The following RBM27 variants were observed in gnomAD, a reference collection of about 807,000 sequenced individuals.
The protein encoded by RBM27 is RNA binding motif protein 27.
RBM27 carries 22 observed loss-of-function variants against 135.3 expected under a neutral mutation model. The ratio of observed to expected loss-of-function variants is 0.16; its 90% CI spans 0.12 to 0.23. The LOEUF is 0.23. Among genes scored for constraint, RBM27 ranks in the 10% least tolerant of loss-of-function variants. The pLI is 1.00. For synonymous variants in RBM27, 481 were observed against 442.4 expected, an observed-to-expected ratio of 1.09 and a Z score of -1.10; for missense variants, 1,009 against 1,281.0, an observed-to-expected ratio of 0.79 and a Z score of 3.24.
intron 1 of RBM27, among the ~76,000 whole-genome samples, chr5:146,211,461 T>G (rs1007674305): frequency 7.2e-6 from 1 of 138,690 alleles, no homozygotes; most frequent in African/African-American, 2.7e-5. Flanking sequence ...AGTATGGTCT[T>G]ATCTTTTTTT....
chr5:146,230,567 C>T lies in RBM27; in HGVS notation c.590-90C>T, dbSNP rs1351073866. The T allele has an allele frequency of 5.9e-6, 8 of 1,349,906 alleles. No homozygotes were observed. The East Asian group carries it at 1.8e-4, about 31-fold the overall frequency. The allele number at this position is 1,349,906 out of a possible 1,614,324, so 83.6% of individuals were successfully genotyped here. On this transcript the variant is annotated intron_variant, in intron 5 of 20. Coordinates refer to ENST00000265271, the MANE Select transcript of RBM27 (RefSeq NM_018989.2). Reference sequence around the variant, plus strand: ...CTAGATAAGTTTAATTCAACATTCTCATGTTTTCTATGTGAGAAAATAAAT... The same window carrying T: ...CTAGATAAGTTTAATTCAACATTCTTATGTTTTCTATGTGAGAAAATAAAT...
rs1427668822 is a variant in RBM27 at position 146,280,350 on chromosome 5, C to T, written c.2989-4272C>T. 5.3e-5 allele frequency among the ~76,000 whole-genome samples: 8 copies of T among 152,222 alleles called. 1 individual carries two copies. The highest frequency in any genetic ancestry group is 2.6e-4 in the Admixed American group (4 of 15,294). ...GATTATAGGCATGTGCCACCACGCC[C>T]GACCTATTTCCTTAAAATTTTTAAA... On this transcript the variant is annotated intron_variant, in intron 19 of 20. Coordinates refer to ENST00000265271, the MANE Select transcript of RBM27 (RefSeq NM_018989.2).
intron 13 of RBM27, among the ~76,000 whole-genome samples, chr5:146,262,481 T>G (rs1758440577): frequency 6.6e-6 from 1 of 152,212 alleles, no homozygotes; most frequent in Admixed American, 6.5e-5. Flanking sequence ...TTTGATTGAA[T>G]AGATGAAGGA....
chr5:146,285,260 C>T (rs937994672), intron 20 of RBM27, among the ~76,000 whole-genome samples: 1 of 152,044 alleles, frequency 6.6e-6, no homozygotes, highest in South Asian at 2.1e-4. Context: ...TGTTGTTTAT[C>T]ATTAGTTTAT....
intron 19 of RBM27, among the ~76,000 whole-genome samples, chr5:146,278,198 G>T (rs1308544918): frequency 6.6e-6 from 1 of 152,032 alleles, no homozygotes; most frequent in East Asian, 1.9e-4. Flanking sequence ...GCATAGATTG[G>T]GCGTCAGTTT....
At chr5:146,273,277 T>C (rs959767640) in intron 19 of RBM27, among the ~76,000 whole-genome samples, 4 of 152,198 alleles carry the variant, frequency 2.6e-5, no homozygotes, top group Admixed American at 2.0e-4. Context: ...GTTTAAATTT[T>C]AACCCAGAAG....
At position 146,237,389 on chromosome 5, in the gene RBM27, A is replaced by G. The variant is rs1554080094; in HGVS notation, c.1236A>G (p.Leu412=). 1 of 1,613,974 alleles carries G rather than the reference A, an allele frequency of 6.2e-7. No individual in the cohort carries two copies. The highest frequency in any genetic ancestry group is 1.7e-5 in the Admixed American group (1 of 60,018). Reference sequence around the variant, plus strand: ...ATCTTGCATCAGTGGGAACAAGACTACCTCCTCCTTTACCCCAGAACCTCC... The same window carrying G: ...ATCTTGCATCAGTGGGAACAAGACTGCCTCCTCCTTTACCCCAGAACCTCC... The part of the protein sequence containing the change: ...VPNLASVGTR[L]PPPLPQNLLY... Residue 412 remains leucine (L), a synonymous_variant, in exon 8 of 21, where the codon CTA becomes CTG. Coordinates refer to ENST00000265271, the MANE Select transcript of RBM27 (RefSeq NM_018989.2).
rs530978642 is a variant in RBM27, at chr5:146,240,880, G to A, written c.1279+3448G>A. On this transcript the variant is annotated intron_variant, in intron 8 of 20. Transcript: ENST00000265271. ...TTTGTTGCTCATTTTTTAATTATGGGAAATCTCAAATATATATAAAAGTAA... is the reference window on the plus strand; with the variant it reads ...TTTGTTGCTCATTTTTTAATTATGGAAAATCTCAAATATATATAAAAGTAA... Among the ~76,000 whole-genome samples the A allele has an allele frequency of 2.6e-5, 4 of 152,090 alleles. No individual in the cohort carries two copies. In the South Asian group the frequency reaches 8.3e-4, roughly 32 times the overall value.
intron 8 of RBM27, among the ~76,000 whole-genome samples, chr5:146,242,490 G>C (rs4705156): frequency 0.38 from 57,950 of 152,096 alleles, 11,631 homozygotes; most frequent in African/African-American, 0.49. Context: ...TCTTGAGTGT[G>C]AAATCTGATT....
At chr5:146,234,277 A>G (rs1344998622) in intron 7 of RBM27, among the ~76,000 whole-genome samples, 2 of 152,208 alleles carry the variant, frequency 1.3e-5, no homozygotes, top group Non-Finnish European at 2.9e-5. Context: ...AATATTAAAA[A>G]AATTTTTTTT....
At chr5:146,262,097 C>T (rs1443858990) in intron 13 of RBM27, among the ~76,000 whole-genome samples, 3 of 152,130 alleles carry the variant, frequency 2.0e-5, no homozygotes, top group African/African-American at 7.2e-5. Flanking sequence ...AGTTTGAGAC[C>T]TGCTATTTTA....
intron 17 of RBM27, among the ~76,000 whole-genome samples, chr5:146,270,366 A>G (rs906253342): frequency 3.3e-5 from 5 of 152,190 alleles, no homozygotes; most frequent in African/African-American, 4.8e-5. Flanking sequence ...ATGGTTCTCT[A>G]TCAGTATAGA....
At chr5:146,274,216 A>G (rs1581236642) in intron 19 of RBM27, among the ~76,000 whole-genome samples, 1 of 144,670 alleles carries the variant, frequency 6.9e-6, no homozygotes, top group Non-Finnish European at 1.5e-5. Context: ...TGAGGAACAC[A>G]TACTCCTTTT....
intron 19 of RBM27, among the ~76,000 whole-genome samples, chr5:146,277,736 G>A (rs1254209566): frequency 6.7e-6 from 1 of 148,320 alleles, no homozygotes; most frequent in East Asian, 2.0e-4. Context: ...GTTTCACCAT[G>A]TTGGTCAGGC....
At chr5:146,235,033 A>AAAATAATT (rs1757098535) in intron 7 of RBM27, among the ~76,000 whole-genome samples, 1 of 139,462 alleles carries the variant, frequency 7.2e-6, no homozygotes, top group Non-Finnish European at 1.5e-5. Context: ...CCCTGTCTCA[A>AAAATAATT]AAATAAATAA....
chr5:146,252,020 T>G (rs977923577), intron 9 of RBM27, 145 bp downstream of exon 9: 10 of 944,600 alleles, frequency 1.1e-5, no homozygotes, highest in South Asian at 4.8e-5. Flanking sequence ...CTCCTTTGCT[T>G]CTTTGGTTTG....
At chr5:146,220,407 A>G (rs540689534) in intron 2 of RBM27, among the ~76,000 whole-genome samples, 13 of 151,082 alleles carry the variant, frequency 8.6e-5, no homozygotes, top group African/African-American at 3.2e-4. Context: ...CCCAGGAGGC[A>G]GAGGTTGCAG....
rs1755484772 is a variant in RBM27, at chr5:146,203,710, G to A, written c.-56G>A. The A allele has an allele frequency of 2.7e-6, 4 of 1,502,452 alleles. No individual in the cohort carries two copies. The South Asian group carries it at 4.8e-5, about 18-fold the overall frequency. 93.1% of individuals were successfully genotyped at this position (1,502,452 alleles called of 1,614,324 possible). A position where few individuals can be genotyped will look rare whatever the true frequency, so the allele number is the denominator to read the frequency against. On this transcript the variant is annotated 5_prime_UTR_variant, in exon 1 of 21. Coordinates refer to ENST00000265271, the MANE Select transcript of RBM27 (RefSeq NM_018989.2). Reference sequence around the variant, plus strand: ...AGGGAACGTGAGGGGGCGGCGTAGTGGAGACCCACGGCAGGCCTGAAGAAG... The same window carrying A: ...AGGGAACGTGAGGGGGCGGCGTAGTAGAGACCCACGGCAGGCCTGAAGAAG...
chr5:146,223,340 A>G, intron 2 of RBM27, 63 bp from the exon 3 acceptor site: 1 of 1,475,008 alleles, frequency 6.8e-7, no homozygotes, highest in Non-Finnish European at 9.1e-7. Flanking sequence ...CTTTGCTGAC[A>G]ATGTGTTGTC....
Sources: gnomAD v4.1 joint callset for allele counts (sites outside exome capture counted in the v4.1 genomes callset) on GRCh38, gnomAD v4.1.1 for gene constraint, MANE v1.5 for transcripts, NCBI Gene and HGNC (gene_info 2026-07-23, HGNC 2026-07-21) for gene names.